DGKI: variants seen among roughly 807,000 people sequenced by gnomAD.
The protein encoded by DGKI is DAG kinase iota.
Under a neutral mutation model 147.5 loss-of-function variants are expected in DGKI, and 55 were observed. The ratio of observed to expected loss-of-function variants is 0.37; its 90% CI spans 0.30 to 0.47. DGKI has a LOEUF of 0.47. Ranked by LOEUF, DGKI falls within the 20% of genes least tolerant of loss-of-function variation. The pLI is 1.00. For synonymous variants in DGKI, 469 were observed against 477.1 expected (o/e 0.98, Z 0.22); for missense variants, 1,007 against 1,323.8 (o/e 0.76, Z 3.71).
intron 5 of DGKI, among the ~76,000 whole-genome samples, chr7:137,649,834 C>T (rs536877419): frequency 6.7e-6 from 1 of 149,844 alleles, no homozygotes; most frequent in East Asian, 2.0e-4. Flanking sequence ...TAACCCAGTC[C>T]GTTATGGCTT....
intron 5 of DGKI, among the ~76,000 whole-genome samples, chr7:137,649,209 G>T (rs1452257556): frequency 3.9e-5 from 6 of 152,016 alleles, no homozygotes; most frequent in African/African-American, 1.5e-4. Context: ...AGGAGGGGAG[G>T]ATCATCAATT....
chr7:137,638,627 TATGTGTGTATATATGTGTATGTATATA>T (rs1821492729), intron 6 of DGKI, among the ~76,000 whole-genome samples: 1 of 8,044 alleles, frequency 1.2e-4, no homozygotes, highest in Non-Finnish European at 1.9e-4. Context: ...CACACATATA[TATGTGTGTATATATGTGTATGTATATA>T]CACACATATG....
chr7:137,395,207 G>A lies in DGKI; in HGVS notation c.3057+391C>T, dbSNP rs990810770. Among the ~76,000 whole-genome samples, 14 of 152,172 alleles carry A rather than the reference G, an allele frequency of 9.2e-5. 1 individual carries two copies. The highest frequency in any genetic ancestry group is 3.1e-4 in the African/African-American group (13 of 41,442). ...ATATAAATCATAGAATTTAAAACAC[G>A]TTGGAGTAAGTACTGAAGGAAAACC... is the stretch of plus-strand genomic sequence containing the variant. On this transcript the variant is annotated intron_variant, in intron 32 of 32. Coordinates refer to ENST00000614521, the MANE Select transcript of DGKI (RefSeq NM_001321708.2).
intron 28 of DGKI, among the ~76,000 whole-genome samples, chr7:137,435,703 G>C (rs927264819): frequency 6.6e-6 from 1 of 152,160 alleles, no homozygotes; most frequent in Non-Finnish European, 1.5e-5. Context: ...GCAAAGTGAT[G>C]TACTGTGACG....
rs1811131767 is a variant in DGKI, at chr7:137,384,545, A to G, written c.*6675T>C. Reference sequence around the variant, plus strand: ...AAGACCCAGTTCTGGCTGCAGCACTATCATTTGCTATATGAATCTGCACAG... The same window carrying G: ...AAGACCCAGTTCTGGCTGCAGCACTGTCATTTGCTATATGAATCTGCACAG... On this transcript the variant is annotated 3_prime_UTR_variant, in exon 33 of 33. Coordinates refer to ENST00000614521, the MANE Select transcript of DGKI (RefSeq NM_001321708.2). 6.6e-6 allele frequency: 1 copy of G among 152,054 alleles called. No individual in the cohort carries two copies. The highest frequency in any genetic ancestry group is 2.1e-4 in the South Asian group (1 of 4,826). The allele number at this position is 152,054 out of a possible 1,614,324, so 9.4% of individuals were successfully genotyped here. A position where few individuals can be genotyped will look rare whatever the true frequency, so the allele number is the denominator to read the frequency against.
intron 1 of DGKI, among the ~76,000 whole-genome samples, chr7:137,773,007 T>C (rs1188815073): frequency 6.6e-6 from 1 of 152,160 alleles, no homozygotes; most frequent in South Asian, 2.1e-4. Context: ...TGGGGGTGAA[T>C]TGCCAGATGC....
In DGKI at chr7:137,722,424, C is replaced by T. The variant is rs149114240; in HGVS notation, c.402-32422G>A. On this transcript the variant is annotated intron_variant, in intron 1 of 32. Coordinates refer to ENST00000614521, the MANE Select transcript of DGKI (RefSeq NM_001321708.2). ...GAAAACTGCGAGCCAGCATTACCCC[C>T]GGGACCATTCTGATCATCCTCACTG... The T allele has an allele frequency of 8.2e-4, 1,314 of 1,611,462 alleles. 9 individuals are homozygous for T. In the African/African-American group the frequency reaches 0.015, roughly 18 times the overall value.
chr7:137,777,654 C>T (rs1238501971), intron 1 of DGKI, among the ~76,000 whole-genome samples: 1 of 152,190 alleles, frequency 6.6e-6, no homozygotes, highest in African/African-American at 2.4e-5. Context: ...TAGTTATTTA[C>T]TATGTCACTG....
intron 27 of DGKI, among the ~76,000 whole-genome samples, chr7:137,445,154 G>C (rs570991956): frequency 3.9e-5 from 6 of 152,224 alleles, no homozygotes; most frequent in African/African-American, 1.4e-4. Flanking sequence ...TACAAAAATG[G>C]TTGAAAATAA....
At position 137,390,015 on chromosome 7, in the gene DGKI, T is replaced by C. The variant is rs1376608; in HGVS notation, c.*1205A>G. ...CAAGCCTTTGTTCTTGGGTCAAGGA[T>C]TACTTGGAGTAATGAAAACCAAAAA... On this transcript the variant is annotated 3_prime_UTR_variant, in exon 33 of 33. Transcript: ENST00000614521. 42,905 of 151,852 alleles carry C rather than the reference T, an allele frequency of 0.28. 7,010 individuals are homozygous for C. The highest frequency in any genetic ancestry group is 0.36 in the Admixed American group (5,416 of 15,256). 9.4% of individuals were successfully genotyped at this position (151,852 alleles called of 1,614,324 possible).
chr7:137,570,962 TACTC>T (rs1247843930), intron 19 of DGKI, among the ~76,000 whole-genome samples: 3 of 152,228 alleles, frequency 2.0e-5, no homozygotes, highest in Admixed American at 2.0e-4. Context: ...TAAGAAGTGA[TACTC>T]ATTTATTCTT....
At chr7:137,592,682 CA>C (rs1819658689) in intron 12 of DGKI, among the ~76,000 whole-genome samples, 1 of 152,182 alleles carries the variant, frequency 6.6e-6, no homozygotes, top group Non-Finnish European at 1.5e-5. Flanking sequence ...CAAAGGAAAA[CA>C]AGAGTTTTGC....
At chr7:137,738,450 C>T (rs1290091944) in intron 1 of DGKI, among the ~76,000 whole-genome samples, 1 of 151,980 alleles carries the variant, frequency 6.6e-6, no homozygotes, top group African/African-American at 2.4e-5. Context: ...ATTTTCACTA[C>T]CAAAGAATTA....
rs1018790688 is a variant in DGKI, at chr7:137,498,901, T to C, written c.2249-11212A>G. On this transcript the variant is annotated intron_variant, in intron 21 of 32. Coordinates refer to ENST00000614521, the MANE Select transcript of DGKI (RefSeq NM_001321708.2). ...CCTATTCCCTGTGATAATATATTCATTTGATAGCTAGAACTCAACTTAACA... is the reference window on the plus strand; with the variant it reads ...CCTATTCCCTGTGATAATATATTCACTTGATAGCTAGAACTCAACTTAACA... 1.4e-4 allele frequency among the ~76,000 whole-genome samples: 22 copies of C among 152,152 alleles called. 1 individual carries two copies. Among genetic ancestry groups the C allele is most frequent in the Admixed American group, 1.3e-3 (20 of 15,260 alleles).
chr7:137,704,494 A>C (rs1346223502), intron 1 of DGKI, among the ~76,000 whole-genome samples: 5 of 152,172 alleles, frequency 3.3e-5, no homozygotes, highest in Non-Finnish European at 1.5e-5. Context: ...GGGGATGAAG[A>C]AAAAAACAGA....
chr7:137,496,615 A>C (rs568508708), intron 21 of DGKI, among the ~76,000 whole-genome samples: 2 of 152,086 alleles, frequency 1.3e-5, no homozygotes, highest in Admixed American at 1.3e-4. Context: ...CAGACAAATC[A>C]AACAGAATAG....
rs749786608 is a variant in DGKI at position 137,846,573 on chromosome 7, G to A, written c.290C>T (p.Ala97Val). ...CTCGTCCAGGGCAGCGGCCCCCGCCGCCGCGGCTGACCCTGCGCCCCGCGG... is the reference window on the plus strand; with the variant it reads ...CTCGTCCAGGGCAGCGGCCCCCGCCACCGCGGCTGACCCTGCGCCCCGCGG... ...ADPRGAGSAA[A>V]AGAAALDEPA... Residue 97 changes from alanine (A) to valine (V), a missense_variant, in exon 1 of 33, where the codon GCG (alanine) becomes GTG (valine). By Grantham distance (64) the Ala-to-Val change is moderately conservative. Coordinates refer to ENST00000614521, the MANE Select transcript of DGKI (RefSeq NM_001321708.2). The surrounding 1 kb of genome is among the most constrained non-coding windows in gnomAD (Gnocchi z 4.0). The A allele has an allele frequency of 2.9e-6, 4 of 1,367,376 alleles. No homozygotes were observed. The Admixed American group carries it at 8.3e-5, about 28-fold the overall frequency. The allele number at this position is 1,367,376 out of a possible 1,614,324, so 84.7% of individuals were successfully genotyped here.
At chr7:137,739,524 G>C (rs1266502927) in intron 1 of DGKI, among the ~76,000 whole-genome samples, 1 of 152,032 alleles carries the variant, frequency 6.6e-6, no homozygotes, top group Admixed American at 6.6e-5. Context: ...GCTTCCTATG[G>C]GACCTCATGC....
intron 28 of DGKI, among the ~76,000 whole-genome samples, chr7:137,428,834 C>T (rs140495238): frequency 0.4 from 60,232 of 151,538 alleles, 12,594 homozygotes; most frequent in East Asian, 0.74. Context: ...ACCTAGGAAT[C>T]CAACTTACAA....
Sources: allele counts gnomAD v4.1 joint callset (sites outside exome capture counted in the v4.1 genomes callset), GRCh38; gene constraint gnomAD v4.1.1; non-coding constraint Gnocchi (gnomAD v3.1); transcripts MANE v1.5; gene names NCBI Gene and HGNC (gene_info 2026-07-23, HGNC 2026-07-21).